VPS53: variants seen among roughly 807,000 people sequenced by gnomAD.
VPS53 encodes VPS53 subunit of GARP complex.
Under a neutral mutation model 107.0 loss-of-function variants are expected in VPS53, and 70 were observed. The ratio of observed to expected loss-of-function variants is 0.65; its 90% confidence interval spans 0.54 to 0.80. VPS53 has a LOEUF of 0.80. VPS53 is among the 30% of genes least tolerant of loss of function. The pLI is 0.00. For missense variants in VPS53, 917 were observed against 1,049.4 expected, an observed-to-expected ratio of 0.87 and a Z score of 1.74; for synonymous variants, 409 against 393.3, an observed-to-expected ratio of 1.04 and a Z score of -0.47.
rs563160484 is a variant in VPS53 at position 638,816 on chromosome 17, T to A, written c.609-7188A>T. ...AGTCTGATGGGCTTCCCTTTGTGGG[T>A]AACCTGACCTTTCTCTCTGACTGCC... On this transcript the variant is annotated intron_variant, in intron 7 of 21. Coordinates refer to ENST00000437048, the MANE Select transcript of VPS53 (RefSeq NM_001128159.3). Among the ~76,000 whole-genome samples, 153 of 152,230 alleles carry A rather than the reference T, an allele frequency of 1.0e-3. 3 individuals carry two copies. Among genetic ancestry groups the A allele is most frequent in the Non-Finnish European group, 1.2e-3 (84 of 68,040 alleles).
intron 2 of VPS53, chr17:706,221 T>A (rs966364524): frequency 1.3e-5 from 2 of 152,078 alleles, no homozygotes; most frequent in African/African-American, 2.4e-5. Context: ...TAAGAGCAAG[T>A]GACAAATAAT....
Position 520,033 on chromosome 17 carries a change from G to C in VPS53, c.2224-103C>G, listed in dbSNP as rs1908605040. 1.3e-6 allele frequency: 1 copy of C among 755,290 alleles called. No homozygotes were observed. The highest frequency in any genetic ancestry group is 2.2e-6 in the Non-Finnish European group (1 of 446,498). 46.8% of individuals were successfully genotyped at this position (755,290 alleles called of 1,614,324 possible). ...AAACTCACTACCCACCGCAGGAGGA[G>C]ACGGGAGCGGGCCCTTCAGGAAAAC... is the stretch of plus-strand genomic sequence containing the variant. On this transcript the variant is annotated intron_variant, in intron 20 of 21. Transcript: ENST00000437048. This position sits in a 1 kb window ranked among gnomAD's most constrained non-coding sequence, Gnocchi z 4.4.
rs1490676704 is a variant in VPS53, at chr17:513,655, GC to G, written c.*5472del. ...CCATTTCCAGCAGGTTATTCCGAGTGCTCTTCCTAGCGAAGGAATCCCATTT... is the reference window on the plus strand; with the variant it reads ...CCATTTCCAGCAGGTTATTCCGAGTGTCTTCCTAGCGAAGGAATCCCATTT... On this transcript the variant is annotated 3_prime_UTR_variant, in exon 22 of 22. Coordinates refer to ENST00000437048, the MANE Select transcript of VPS53 (RefSeq NM_001128159.3). 2 of 143,926 alleles carry G rather than the reference GC, an allele frequency of 1.4e-5. No homozygotes were observed. The highest frequency in any genetic ancestry group is 2.5e-5 in the African/African-American group (1 of 40,334). The allele number at this position is 143,926 out of a possible 1,614,324, so 8.9% of individuals were successfully genotyped here.
At chr17:596,577 C>G (rs1012067080) in intron 12 of VPS53, among the ~76,000 whole-genome samples, 20 of 152,216 alleles carry the variant, frequency 1.3e-4, no homozygotes, top group Non-Finnish European at 2.9e-5. Context: ...GGTCCTCTTG[C>G]AGCACTTCTA....
intron 4 of VPS53, among the ~76,000 whole-genome samples, chr17:664,011 C>A (rs561594950): frequency 6.6e-6 from 1 of 152,246 alleles, no homozygotes; most frequent in South Asian, 2.1e-4. Flanking sequence ...AGAAGGTCTC[C>A]TGAGAAAGGG....
intron 13 of VPS53, among the ~76,000 whole-genome samples, chr17:565,486 C>T (rs533430567): frequency 6.6e-6 from 1 of 151,564 alleles, no homozygotes; most frequent in Non-Finnish European, 1.5e-5. Flanking sequence ...CCTCAAAGAG[C>T]TTCTGGCCTA....
rs947008126 is a variant in VPS53, at chr17:516,195, A to C, written c.*2933T>G. On this transcript the variant is annotated 3_prime_UTR_variant, in exon 22 of 22. Transcript: ENST00000437048. ...TGTAGTGTCGGCGCACTTTTAGCTTAGAGTCAGAAAAATAGACATGTATGA... is the reference window on the plus strand; with the variant it reads ...TGTAGTGTCGGCGCACTTTTAGCTTCGAGTCAGAAAAATAGACATGTATGA... 2.6e-5 allele frequency: 4 copies of C among 152,130 alleles called. No individual in the cohort carries two copies. The highest frequency in any genetic ancestry group is 1.3e-4 in the Admixed American group (2 of 15,264). 9.4% of individuals were successfully genotyped at this position (152,130 alleles called of 1,614,324 possible). A position where few individuals can be genotyped will look rare whatever the true frequency, so the allele number is the denominator to read the frequency against.
chr17:612,988 A>T (rs566942678), intron 11 of VPS53, among the ~76,000 whole-genome samples: 7 of 150,988 alleles, frequency 4.6e-5, no homozygotes, highest in Admixed American at 2.6e-4. Context: ...ATATTCACAT[A>T]GTGAGTTCAC....
At chr17:615,467 G>C (rs772522855) in intron 11 of VPS53, among the ~76,000 whole-genome samples, 4 of 152,130 alleles carry the variant, frequency 2.6e-5, no homozygotes, top group Non-Finnish European at 4.4e-5. Context: ...AGTCACCAAG[G>C]ACTGGAGAGG....
intron 11 of VPS53, among the ~76,000 whole-genome samples, chr17:603,057 T>G (rs1200982103): frequency 1.3e-5 from 2 of 152,182 alleles, no homozygotes; most frequent in Admixed American, 1.3e-4. Flanking sequence ...GGACAGCAGA[T>G]GGACTATAGC....
At position 628,310 on chromosome 17, in the gene VPS53, T is replaced by C. The variant is rs181333620; in HGVS notation, c.688-79A>G. Reference sequence around the variant, plus strand: ...ATGGCTTCTCACAGCCACTACTTGTTATCTCTACGCATTGTCAGTCTTACT... The same window carrying C: ...ATGGCTTCTCACAGCCACTACTTGTCATCTCTACGCATTGTCAGTCTTACT... On this transcript the variant is annotated intron_variant, in intron 8 of 21. Coordinates refer to ENST00000437048, the MANE Select transcript of VPS53 (RefSeq NM_001128159.3). 174 of 1,537,178 alleles carry C rather than the reference T, an allele frequency of 1.1e-4. No homozygotes were observed. The African/African-American group carries it at 2.2e-3, about 19-fold the overall frequency.
In VPS53 at chr17:520,818, C is replaced by G. The variant is rs376788759; in HGVS notation, c.2223+783G>C. Among the ~76,000 whole-genome samples the G allele has an allele frequency of 3.9e-5, 6 of 152,174 alleles. No homozygotes were observed. The highest frequency in any genetic ancestry group is 1.9e-4 in the East Asian group (1 of 5,162). On this transcript the variant is annotated intron_variant, in intron 20 of 21. Transcript: ENST00000437048. The surrounding 1 kb of genome is among the most constrained non-coding windows in gnomAD (Gnocchi z 4.4). ...CCTCACCTACATGAGCTGCTTCACC[C>G]TCACCTACATGAGCTGCTTCACCCT...
chr17:681,532 C>T (rs1165618571), intron 4 of VPS53, among the ~76,000 whole-genome samples: 5 of 152,300 alleles, frequency 3.3e-5, no homozygotes, highest in South Asian at 2.1e-4. Context: ...CTCCCATACA[C>T]GCTTCCATAT....
intron 2 of VPS53, chr17:706,210 A>G (rs1295529137): frequency 6.6e-6 from 1 of 152,200 alleles, no homozygotes; most frequent in African/African-American, 2.4e-5. Context: ...TAAAGGTTAT[A>G]TAAGAGCAAG....
At position 519,979 on chromosome 17, in the gene VPS53, C is replaced by G. The variant is rs552991891; in HGVS notation, c.2224-49G>C. On this transcript the variant is annotated intron_variant, in intron 20 of 21. Coordinates refer to ENST00000437048, the MANE Select transcript of VPS53 (RefSeq NM_001128159.3). This position sits in a 1 kb window ranked among gnomAD's most constrained non-coding sequence, Gnocchi z 5.0. ...AAGCCCCTCAGGAAAACTACCACCACGGGAGGAGACAGGAGCGGGCCCTCA... is the reference window on the plus strand; with the variant it reads ...AAGCCCCTCAGGAAAACTACCACCAGGGGAGGAGACAGGAGCGGGCCCTCA... 51 of 1,341,292 alleles carry G rather than the reference C, an allele frequency of 3.8e-5. No homozygotes were observed. In the African/African-American group the frequency reaches 7.0e-4, roughly 18 times the overall value. The allele number at this position is 1,341,292 out of a possible 1,614,324, so 83.1% of individuals were successfully genotyped here.
chr17:579,779 T>G (rs1966893855), intron 13 of VPS53, among the ~76,000 whole-genome samples: 1 of 135,848 alleles, frequency 7.4e-6, no homozygotes, highest in African/African-American at 2.6e-5. Flanking sequence ...CGTCAGAACC[T>G]GAGTGCATTA....
At chr17:602,097 C>T (rs1472541406) in intron 11 of VPS53, among the ~76,000 whole-genome samples, 13 of 152,160 alleles carry the variant, frequency 8.5e-5, no homozygotes, top group African/African-American at 1.9e-4. Flanking sequence ...CCGACCACCC[C>T]GCCCCAACTC....
At chr17:555,126 C>T (rs957632321) in intron 15 of VPS53, among the ~76,000 whole-genome samples, 16 of 152,214 alleles carry the variant, frequency 1.1e-4, no homozygotes, top group South Asian at 2.1e-4. Flanking sequence ...CCTATGACAC[C>T]GAAAATAAAA....
intron 13 of VPS53, among the ~76,000 whole-genome samples, chr17:580,970 T>G (rs1175553974): frequency 6.6e-6 from 1 of 151,852 alleles, no homozygotes; most frequent in Non-Finnish European, 1.5e-5. Flanking sequence ...CAGAACCTAA[T>G]GCGTTCCCAG....
Sources: gnomAD v4.1 joint callset for allele counts (sites outside exome capture counted in the v4.1 genomes callset) on GRCh38, gnomAD v4.1.1 for gene constraint, Gnocchi (gnomAD v3.1) non-coding constraint, MANE v1.5 for transcripts, NCBI Gene and HGNC (gene_info 2026-07-23, HGNC 2026-07-21) for gene names.